The following RAB30 variants were observed in gnomAD, a reference collection of about 807,000 sequenced individuals.
The protein encoded by RAB30 is ras-related protein Rab-30.
Under a neutral mutation model 25.1 loss-of-function variants are expected in RAB30, and 9 were observed. The ratio of observed to expected loss-of-function variants is 0.36; its 90% confidence interval spans 0.22 to 0.63. RAB30 has a LOEUF of 0.63. Ranked by LOEUF, RAB30 falls within the 20% of genes least tolerant of loss-of-function variation. The pLI is 0.69. For missense variants in RAB30, 140 were observed against 243.5 expected, an observed-to-expected ratio of 0.58 and a Z score of 2.83; for synonymous variants, 77 against 86.4, an observed-to-expected ratio of 0.89 and a Z score of 0.60.
intron 1 of RAB30, among the ~76,000 whole-genome samples, chr11:82,999,604 C>T (rs545365327): frequency 4.6e-5 from 7 of 152,202 alleles, no homozygotes; most frequent in Non-Finnish European, 1.0e-4. Context: ...TACCACTCTC[C>T]TCATAATCCA....
chr11:82,985,643 T>C (rs2121436860), intron 4 of RAB30, among the ~76,000 whole-genome samples: 1 of 149,992 alleles, frequency 6.7e-6, no homozygotes, highest in South Asian at 2.1e-4. Flanking sequence ...AGAAAAAAAA[T>C]GAGAGTGGAA....
chr11:82,996,731 G>T (rs1385327950), intron 2 of RAB30, among the ~76,000 whole-genome samples: 1 of 152,106 alleles, frequency 6.6e-6, no homozygotes, highest in Non-Finnish European at 1.5e-5. Flanking sequence ...TACTGAAGAG[G>T]TTTAGAAAAT....
At chr11:83,006,120 A>G (rs986397359) in intron 1 of RAB30, among the ~76,000 whole-genome samples, 2 of 152,202 alleles carry the variant, frequency 1.3e-5, no homozygotes, top group African/African-American at 4.8e-5. Context: ...GCACTTGTAT[A>G]CTACTGGTGG....
At chr11:82,987,075 T>C (rs1856752284) in intron 4 of RAB30, 1 of 152,236 alleles carries the variant, frequency 6.6e-6, no homozygotes, top group Admixed American at 6.5e-5. Flanking sequence ...CCCCCCATAC[T>C]AAATAGAGGT....
chr11:83,058,432 C>G (rs1367436374), intron 1 of RAB30, among the ~76,000 whole-genome samples: 1 of 152,180 alleles, frequency 6.6e-6, no homozygotes, highest in Non-Finnish European at 1.5e-5. Flanking sequence ...TAATCTAGAA[C>G]CATTCCTCAG....
intron 1 of RAB30, among the ~76,000 whole-genome samples, chr11:83,038,361 T>C (rs1030572198): frequency 2.0e-5 from 3 of 152,186 alleles, no homozygotes; most frequent in Non-Finnish European, 4.4e-5. Context: ...GCATATGCTA[T>C]GGAACTGGAT....
intron 1 of RAB30, among the ~76,000 whole-genome samples, chr11:83,055,770 CCTT>C (rs148178485): frequency 1.1e-3 from 169 of 152,304 alleles, no homozygotes; most frequent in Non-Finnish European, 1.7e-3. Context: ...GGTGAGTTGT[CCTT>C]CTGTGCCTTC....
intron 1 of RAB30, among the ~76,000 whole-genome samples, chr11:83,015,456 T>C (rs757170564): frequency 5.3e-5 from 8 of 152,120 alleles, no homozygotes; most frequent in Non-Finnish European, 7.4e-5. Flanking sequence ...CTTTCTGAAG[T>C]TGGGAAGATT....
chr11:83,051,539 T>G (rs553302479), intron 1 of RAB30, among the ~76,000 whole-genome samples: 1 of 152,262 alleles, frequency 6.6e-6, no homozygotes, highest in South Asian at 2.1e-4. Flanking sequence ...AAGGTGGAAG[T>G]AAGCAACGAT....
At chr11:83,011,419 C>CA (rs34258822) in intron 1 of RAB30, among the ~76,000 whole-genome samples, 32,940 of 152,106 alleles carry the variant, frequency 0.22, 4,280 homozygotes, top group Admixed American at 0.29. Flanking sequence ...CACATAATGT[C>CA]AGTTTGTAAG....
intron 1 of RAB30, among the ~76,000 whole-genome samples, chr11:83,066,736 G>C (rs1009569006): frequency 2.0e-5 from 3 of 152,164 alleles, no homozygotes; most frequent in Admixed American, 6.5e-5. Flanking sequence ...ATTTTTAGTA[G>C]AGACGGGGTT....
intron 1 of RAB30, among the ~76,000 whole-genome samples, chr11:83,017,600 G>C (rs1857466678): frequency 6.6e-6 from 1 of 151,520 alleles, no homozygotes; most frequent in African/African-American, 2.4e-5. Context: ...TCATAGCTTA[G>C]CTCCCACTTA....
chr11:83,004,657 C>A (rs1857149850), intron 1 of RAB30, among the ~76,000 whole-genome samples: 1 of 152,126 alleles, frequency 6.6e-6, no homozygotes, highest in Non-Finnish European at 1.5e-5. Context: ...GTGAATCTCA[C>A]CCTCTTTGAT....
Position 82,976,749 on chromosome 11 carries a change from C to A in RAB30, c.*5416G>T, listed in dbSNP as rs558732517. ...ACAAAACAAAACCATAAAAAAAGACCAATGAAGAGCCGTCTATCAGCCTTG... is the reference window on the plus strand; with the variant it reads ...ACAAAACAAAACCATAAAAAAAGACAAATGAAGAGCCGTCTATCAGCCTTG... On this transcript the variant is annotated 3_prime_UTR_variant, in exon 5 of 5. Coordinates refer to ENST00000527633, the MANE Select transcript of RAB30 (RefSeq NM_001286060.2). The A allele has an allele frequency of 6.6e-6, 1 of 151,944 alleles. No individual in the cohort carries two copies. The highest frequency in any genetic ancestry group is 1.5e-5 in the Non-Finnish European group (1 of 67,982). The allele number at this position is 151,944 out of a possible 1,614,324, so 9.4% of individuals were successfully genotyped here.
intron 1 of RAB30, among the ~76,000 whole-genome samples, chr11:83,003,587 T>A (rs1421209632): frequency 6.6e-6 from 1 of 152,078 alleles, no homozygotes; most frequent in Non-Finnish European, 1.5e-5. Flanking sequence ...CATGCCTGGG[T>A]AATTTGTGTT....
chr11:83,066,781 A>G (rs1590884820), intron 1 of RAB30, among the ~76,000 whole-genome samples: 1 of 152,094 alleles, frequency 6.6e-6, no homozygotes, highest in Non-Finnish European at 1.5e-5. Context: ...TGAACTCCTG[A>G]CCTCAGGTGA....
intron 1 of RAB30, among the ~76,000 whole-genome samples, chr11:83,021,438 A>C (rs898083385): frequency 2.0e-5 from 3 of 152,196 alleles, no homozygotes; most frequent in Non-Finnish European, 4.4e-5. Flanking sequence ...CTCATTCCCC[A>C]GTGCCAGCTG....
chr11:82,983,969 G>GA (rs35091035), intron 4 of RAB30, among the ~76,000 whole-genome samples: 1 of 152,038 alleles, frequency 6.6e-6, no homozygotes, highest in Non-Finnish European at 1.5e-5. Context: ...TTTGGCATAG[G>GA]AAAAAGGAAA....
At chr11:82,984,150 C>T (rs1235585265) in intron 4 of RAB30, among the ~76,000 whole-genome samples, 1 of 152,154 alleles carries the variant, frequency 6.6e-6, no homozygotes, top group African/African-American at 2.4e-5. Context: ...TCTGGCAACA[C>T]CGCTTATGGT....
Sources: gnomAD v4.1 joint callset for allele counts (sites outside exome capture counted in the v4.1 genomes callset) on GRCh38, gnomAD v4.1.1 for gene constraint, MANE v1.5 for transcripts, NCBI Gene and HGNC (gene_info 2026-07-23, HGNC 2026-07-21) for gene names.